Variants in XBP1 observed in about 807,000 individuals in gnomAD.
XBP1 encodes X-box binding protein 1.
A neutral mutation model predicts 34.6 loss-of-function variants in XBP1; 18 were observed. The observed-to-expected ratio is 0.52, with a 90% CI of 0.36 to 0.77. The LOEUF is 0.77. XBP1 is among the 30% of genes least tolerant of loss of function. The pLI, the probability that XBP1 is intolerant of heterozygous loss-of-function variation, is 0.00. For synonymous variants in XBP1, 191 were observed against 193.4 expected (o/e 0.99, Z 0.11); for missense variants, 422 against 464.6 (o/e 0.91, Z 0.84).
chr22:28,800,199 G>T, intron 1 of XBP1, 99 bp downstream of exon 1: 1 of 1,372,818 alleles, frequency 7.3e-7, no homozygotes, highest in South Asian at 1.3e-5. Flanking sequence ...GGAGCCCTGC[G>T]GGGCGGCCAG....
At chr22:28,796,191 C>T (rs750945180) in exon 4 of XBP1, 57 of 1,544,464 alleles carry the variant, frequency 3.7e-5, no homozygotes, top group Non-Finnish European at 4.5e-5. Flanking sequence ...CACTTCATTC[C>T]CCTGGGAGGA....
chr22:28,800,275 C>T (rs2031854001), intron 1 of XBP1, 23 bp downstream of exon 1: 2 of 1,549,036 alleles, frequency 1.3e-6, no homozygotes, highest in African/African-American at 1.4e-5. Flanking sequence ...AGATCTGGCC[C>T]CAGACCCCGG....
exon 6 of XBP1, chr22:28,795,307 C>A: frequency 6.4e-7 from 1 of 1,551,954 alleles, no homozygotes; most frequent in Non-Finnish European, 8.7e-7. Context: ...TGTAAGCATC[C>A]AGTAGGCAGG....
chr22:28,799,083 G>C (rs760052492), exon 2 of XBP1: 24 of 1,614,016 alleles, frequency 1.5e-5, no homozygotes, highest in Middle Eastern at 1.6e-4. Context: ...ACCACTTGCT[G>C]TTCCAGCTCA....
chr22:28,800,538 G>GCA, upstream of XBP1: 1 of 1,475,480 alleles, frequency 6.8e-7, no homozygotes, highest in East Asian at 2.9e-5. Context: ...TCCAGACTAC[G>GCA]CACCGCGCAC....
At chr22:28,797,282 G>T in intron 2 of XBP1, 77 bp from the exon 3 acceptor site, 2 of 1,511,532 alleles carry the variant, frequency 1.3e-6, no homozygotes, top group Non-Finnish European at 1.8e-6. Flanking sequence ...AGTATAATTG[G>T]TTTCCTTTCC....
Position 28,797,118 on chromosome 22 carries a change from C to T in XBP1, c.412G>A (p.Gly138Arg), listed in dbSNP as rs146780960. 2.5e-6 allele frequency: 4 copies of T among 1,612,878 alleles called. No individual in the cohort carries two copies. In the African/African-American group the frequency reaches 4.0e-5, roughly 16 times the overall value. ...TCTTCAGCAACCAGGGCATCCATCCCCAAGCGCTGTCTTAACTCCTGGTTC... is the reference window on the plus strand; with the variant it reads ...TCTTCAGCAACCAGGGCATCCATCCTCAAGCGCTGTCTTAACTCCTGGTTC... The change falls in exon 3 of 6, where the codon GGG becomes AGG. Residue 138 changes from glycine (G) to arginine (R), a missense_variant. This residue lies in a region of XBP1 where 292 missense variants were observed against 339.9 expected (regional missense o/e 0.86). Transcript: ENST00000344347.
At chr22:28,797,234 A>C in intron 2 of XBP1, 29 bp from the exon 3 acceptor site, 1 of 1,604,952 alleles carries the variant, frequency 6.2e-7, no homozygotes. Flanking sequence ...GAGGCTATTA[A>C]AACATCTAAT....
chr22:28,798,018 T>C (rs1461182169), intron 2 of XBP1, among the ~76,000 whole-genome samples: 1 of 152,144 alleles, frequency 6.6e-6, no homozygotes, highest in Non-Finnish European at 1.5e-5. Context: ...AAATAATCTC[T>C]ATGTATTCAA....
chr22:28,798,558 C>T (rs553998819), intron 2 of XBP1, among the ~76,000 whole-genome samples: 2 of 151,842 alleles, frequency 1.3e-5, no homozygotes, highest in African/African-American at 4.8e-5. Context: ...ATCTACCCAC[C>T]TTGGCCTCCC....
downstream of XBP1, chr22:28,795,153 G>A: frequency 6.8e-7 from 1 of 1,470,872 alleles, no homozygotes; most frequent in Non-Finnish European, 9.0e-7. Flanking sequence ...CAAGGAAAAG[G>A]GCAACAGTAT....
chr22:28,797,131 T>C, exon 3 of XBP1: 1 of 1,613,514 alleles, frequency 6.2e-7, no homozygotes, highest in Non-Finnish European at 8.5e-7. Context: ...AGCGCTGTCT[T>C]AACTCCTGGT....
At chr22:28,800,487 C>T in exon 1 of XBP1, 1 of 1,485,924 alleles carries the variant, frequency 6.7e-7, no homozygotes, top group Non-Finnish European at 8.9e-7. Context: ...TTTAGGGGTC[C>T]CGTCGGCCGG....
chr22:28,798,327 T>C (rs1466004031), intron 2 of XBP1, among the ~76,000 whole-genome samples: 2 of 149,642 alleles, frequency 1.3e-5, no homozygotes, highest in Admixed American at 6.6e-5. Flanking sequence ...TGAGACAGGG[T>C]TTTTGCTCTG....
Position 28,795,507 on chromosome 22 carries a change from C to CT in XBP1, c.798dup (p.Glu267ArgfsTer5), listed in dbSNP as rs1292227487. 2 of 1,614,098 alleles carry CT rather than the reference C, an allele frequency of 1.2e-6. No homozygotes were observed. Among genetic ancestry groups the CT allele is most frequent in the Non-Finnish European group, 1.7e-6 (2 of 1,180,052 alleles). On this transcript the variant is annotated frameshift_variant, in exon 6 of 6. Transcript: ENST00000344347. LOFTEE classifies it high-confidence loss of function. ...TGGCTCTCTGTCTCAGAGGGTATCT[C>CT]TAAGACTAGGGGCTTGGTATATATG...
At chr22:28,796,678 C>G (rs1431946709) in intron 3 of XBP1, 1 of 176,430 alleles carries the variant, frequency 5.7e-6, no homozygotes, top group Non-Finnish European at 1.2e-5. Flanking sequence ...AGAGGTATCA[C>G]TATTACAAAG....
At chr22:28,797,741 C>T (rs2031776221) in intron 2 of XBP1, among the ~76,000 whole-genome samples, 1 of 151,748 alleles carries the variant, frequency 6.6e-6, no homozygotes, top group South Asian at 2.1e-4. Flanking sequence ...CGAGATTGCA[C>T]CACTGCACTC....
intron 2 of XBP1, among the ~76,000 whole-genome samples, chr22:28,798,317 TGAGACAGG>T (rs2031789028): frequency 3.2e-4 from 48 of 150,348 alleles, no homozygotes; most frequent in Admixed American, 5.3e-4. Flanking sequence ...TTTTTTTTTT[TGAGACAGG>T]GTTTTTGCTC....
At chr22:28,799,997 G>C in intron 1 of XBP1, 1 of 779,506 alleles carries the variant, frequency 1.3e-6, no homozygotes, top group East Asian at 2.4e-5. Context: ...ACCAGTCTGC[G>C]GCCACACAGC....
Sources: gnomAD v4.1 joint callset for allele counts (sites outside exome capture counted in the v4.1 genomes callset) on GRCh38, gnomAD v4.1.1 for gene constraint, gnomAD v4.1.1 regional missense constraint, MANE v1.5 for transcripts, NCBI Gene and HGNC (gene_info 2026-07-23, HGNC 2026-07-21) for gene names.